Variants in SNRNP40 observed in about 807,000 individuals in gnomAD.
The protein encoded by SNRNP40 is small nuclear ribonucleoprotein U5 subunit 40, also known as U5 small nuclear ribonucleoprotein 40 kDa protein.
A neutral mutation model predicts 45.8 loss-of-function variants in SNRNP40; 21 were observed. That is an observed-to-expected ratio of 0.46 (90% confidence interval 0.32 to 0.66). SNRNP40 has a LOEUF of 0.66. Among genes scored for constraint, SNRNP40 ranks in the 30% least tolerant of loss-of-function variants. SNRNP40 has a pLI of 0.03. For synonymous variants in SNRNP40, 142 were observed against 163.8 expected (o/e 0.87, Z 1.01); for missense variants, 344 against 439.1 (o/e 0.78, Z 1.94).
chr1:31,267,462 C>T (rs1163825311), intron 8 of SNRNP40, among the ~76,000 whole-genome samples: 1 of 152,188 alleles, frequency 6.6e-6, no homozygotes, highest in Non-Finnish European at 1.5e-5. Flanking sequence ...ACAGTCATAA[C>T]TCTATGTCTG....
chr1:31,274,726 C>T (rs1385758419), intron 5 of SNRNP40, among the ~76,000 whole-genome samples: 1 of 151,492 alleles, frequency 6.6e-6, no homozygotes, highest in Non-Finnish European at 1.5e-5. Flanking sequence ...GATTGCCAGC[C>T]AGACCATCAG....
Position 31,293,225 on chromosome 1 carries a change from G to C in SNRNP40, c.265C>G (p.Leu89Val). ...STLASAGFDR[L>V]ILLWNVYGDC... The stretch of plus-strand genomic sequence containing the variant: ...TTCAAAAACTATGCCTCACATATCA[G>C]TCGGTCAAATCCTGCAGATGCTAAG... The change falls in exon 2 of 10, where the codon CTG becomes GTG. Residue 89 changes from leucine to valine, a missense_variant. Leu to Val is a conservative substitution (Grantham distance 32). Transcript: ENST00000263694. The C allele has an allele frequency of 6.2e-7, 1 of 1,613,856 alleles. No individual in the cohort carries two copies. Among genetic ancestry groups the C allele is most frequent in the Non-Finnish European group, 8.5e-7 (1 of 1,179,882 alleles).
At chr1:31,294,221 G>A (rs1338572392) in intron 1 of SNRNP40, among the ~76,000 whole-genome samples, 1 of 152,230 alleles carries the variant, frequency 6.6e-6, no homozygotes, top group African/African-American at 2.4e-5. Context: ...GCCTCCCAGA[G>A]TGCTGGGATT....
At chr1:31,267,518 T>A (rs1219499688) in intron 8 of SNRNP40, among the ~76,000 whole-genome samples, 2 of 152,082 alleles carry the variant, frequency 1.3e-5, no homozygotes, top group East Asian at 1.9e-4. Flanking sequence ...CAAGAAGACA[T>A]CCTGCATAGC....
intron 8 of SNRNP40, among the ~76,000 whole-genome samples, chr1:31,265,042 T>C (rs900725499): frequency 2.0e-4 from 31 of 152,280 alleles, no homozygotes; most frequent in African/African-American, 7.0e-4. Flanking sequence ...TTGGGGCCAA[T>C]TGGTGAGGTG....
intron 8 of SNRNP40, among the ~76,000 whole-genome samples, chr1:31,262,984 A>T (rs1645870603): frequency 6.6e-6 from 1 of 150,686 alleles, no homozygotes; most frequent in South Asian, 2.1e-4. Context: ...CCTGGGTGAC[A>T]GAGTGAGATC....
At chr1:31,288,667 C>CT (rs1553167231) in intron 4 of SNRNP40, among the ~76,000 whole-genome samples, 80 of 117,162 alleles carry the variant, frequency 6.8e-4, no homozygotes, top group Non-Finnish European at 8.1e-4. Context: ...TCAGAACAGC[C>CT]TTTTTTTTTT....
At chr1:31,284,993 A>G (rs1338201003) in intron 4 of SNRNP40, among the ~76,000 whole-genome samples, 1 of 152,136 alleles carries the variant, frequency 6.6e-6, no homozygotes, top group Non-Finnish European at 1.5e-5. Flanking sequence ...TATTTTATAA[A>G]CTGTACTATA....
intron 5 of SNRNP40, among the ~76,000 whole-genome samples, chr1:31,280,418 T>A (rs1646007917): frequency 6.6e-6 from 1 of 151,862 alleles, no homozygotes; most frequent in South Asian, 2.1e-4. Context: ...CGCCTCGGCC[T>A]CCCAAAGTGC....
At chr1:31,267,727 G>C (rs1645909214) in intron 8 of SNRNP40, 144 bp downstream of exon 8, 6 of 610,242 alleles carry the variant, frequency 9.8e-6, no homozygotes, top group Middle Eastern at 2.7e-4. Flanking sequence ...TAGGGATGGG[G>C]TTTCTCCATG....
intron 9 of SNRNP40, among the ~76,000 whole-genome samples, chr1:31,260,680 G>A (rs1265716289): frequency 2.0e-5 from 3 of 151,426 alleles, no homozygotes; most frequent in Non-Finnish European, 4.4e-5. Flanking sequence ...TGGCCAACAT[G>A]GTGAAACCTC....
intron 4 of SNRNP40, among the ~76,000 whole-genome samples, chr1:31,285,803 T>C (rs954778483): frequency 3.3e-5 from 5 of 152,210 alleles, no homozygotes; most frequent in East Asian, 1.9e-4. Flanking sequence ...CAGGTCATCA[T>C]CCCCAATTTA....
chr1:31,268,753 T>A (rs1038016280), intron 7 of SNRNP40, among the ~76,000 whole-genome samples: 1 of 152,192 alleles, frequency 6.6e-6, no homozygotes, highest in Non-Finnish European at 1.5e-5. Context: ...AGGGAAGAGA[T>A]GTATTCTTAG....
Position 31,260,091 on chromosome 1 carries a change from T to A in SNRNP40, c.1055A>T (p.Tyr352Phe). 6.2e-7 allele frequency: 1 copy of A among 1,610,326 alleles called. No homozygotes were observed. The highest frequency in any genetic ancestry group is 8.5e-7 in the Non-Finnish European group (1 of 1,177,592). ...IISASSDKRL[Y>F]MGEIQ Reference sequence around the variant, plus strand: ...ATATCTTCACTGAATCTCTCCCATATACAGTCTCTTGTCACTCGATGCTGA... The same window carrying A: ...ATATCTTCACTGAATCTCTCCCATAAACAGTCTCTTGTCACTCGATGCTGA... Residue 352 changes from tyrosine to phenylalanine, a missense_variant, in exon 10 of 10, where the codon TAT becomes TTT. This residue lies in a region of SNRNP40 where 254 missense variants were observed against 380.2 expected (regional missense o/e 0.67). Coordinates refer to ENST00000263694, the MANE Select transcript of SNRNP40 (RefSeq NM_004814.3).
chr1:31,261,686 C>T, intron 8 of SNRNP40, 54 bp from the exon 9 acceptor site: 1 of 1,108,214 alleles, frequency 9.0e-7, no homozygotes, highest in Non-Finnish European at 1.4e-6. Context: ...GGGGGTAGGA[C>T]AGAGGCATGG....
intron 6 of SNRNP40, chr1:31,271,124 T>C (rs368139619): frequency 2.8e-6 from 1 of 353,854 alleles, no homozygotes; most frequent in Non-Finnish European, 5.1e-6. Context: ...ATACACAGCA[T>C]ACCAGAGCTG....
At chr1:31,265,086 A>T (rs983152040) in intron 8 of SNRNP40, among the ~76,000 whole-genome samples, 30 of 152,016 alleles carry the variant, frequency 2.0e-4, no homozygotes, top group Non-Finnish European at 5.9e-5. Flanking sequence ...CAGCAGGTAG[A>T]GAGGGATAGG....
chr1:31,268,328 G>A (rs1392115076), intron 7 of SNRNP40, among the ~76,000 whole-genome samples: 3 of 146,248 alleles, frequency 2.1e-5, no homozygotes, highest in African/African-American at 7.6e-5. Flanking sequence ...TCTTGTCCAA[G>A]CTGGAGTACA....
chr1:31,260,942 A>C, intron 9 of SNRNP40: 1 of 1,072,540 alleles, frequency 9.3e-7, no homozygotes, highest in Non-Finnish European at 1.2e-6. Flanking sequence ...ATTTAAAAAA[A>C]AATTAGACTT....
Sources: allele counts gnomAD v4.1 joint callset (sites outside exome capture counted in the v4.1 genomes callset), GRCh38; gene constraint gnomAD v4.1.1; regional missense constraint gnomAD v4.1.1; transcripts MANE v1.5; gene names NCBI Gene and HGNC (gene_info 2026-07-23, HGNC 2026-07-21).